The following SPOCK1 variants were observed in gnomAD, a reference collection of about 807,000 sequenced individuals.
The protein encoded by SPOCK1 is testican-1.
A neutral mutation model predicts 55.3 loss-of-function variants in SPOCK1; 23 were observed. The ratio of observed to expected loss-of-function variants is 0.42; its 90% CI spans 0.30 to 0.59. SPOCK1 has a LOEUF of 0.59. SPOCK1 is among the 20% of genes least tolerant of loss of function. The pLI is 0.22. For missense variants in SPOCK1, 499 were observed against 552.5 expected (o/e 0.90, Z 0.97); for synonymous variants, 226 against 221.0 (o/e 1.02, Z -0.20).
chr5:137,337,360 G>A (rs528251329), intron 2 of SPOCK1, among the ~76,000 whole-genome samples: 1 of 152,276 alleles, frequency 6.6e-6, no homozygotes, highest in South Asian at 2.1e-4. Context: ...CATTTCCAAT[G>A]ACCAAAACAC....
chr5:137,314,104 G>A (rs1757835234), intron 2 of SPOCK1, among the ~76,000 whole-genome samples: 1 of 151,292 alleles, frequency 6.6e-6, no homozygotes, highest in African/African-American at 2.4e-5. Flanking sequence ...TCCTGCCCAG[G>A]GGCTTTATCC....
At position 137,067,717 on chromosome 5, in the gene SPOCK1, C is replaced by G; in HGVS notation, c.587G>C (p.Ser196Thr). The change falls in exon 6 of 11, where the codon AGT (serine) becomes ACT (threonine). Residue 196 changes from serine (S) to threonine (T), a missense_variant and splice_region_variant. Ser to Thr is a moderately conservative substitution (Grantham distance 58). Coordinates refer to ENST00000394945, the MANE Select transcript of SPOCK1 (RefSeq NM_004598.4). Reference protein sequence around the residue: ...PEPPKHKAERSACTDKELRNL... With the variant: ...PEPPKHKAERTACTDKELRNL... ...CTCTGAAGGAAACCCTCACTCACCA[C>G]TCCTTTCTGCCTTGTGCTTTGGTGG... is the stretch of plus-strand genomic sequence containing the variant. The G allele has an allele frequency of 6.2e-7, 1 of 1,614,028 alleles. No homozygotes were observed. Among genetic ancestry groups the G allele is most frequent in the Admixed American group, 1.7e-5 (1 of 60,024 alleles).
At chr5:137,138,926 G>A (rs978669154) in intron 4 of SPOCK1, among the ~76,000 whole-genome samples, 1 of 152,190 alleles carries the variant, frequency 6.6e-6, no homozygotes, top group Non-Finnish European at 1.5e-5. Context: ...TTTGGAGGCA[G>A]ACAATCCTGG....
At chr5:137,318,117 A>T (rs1015331340) in intron 2 of SPOCK1, among the ~76,000 whole-genome samples, 1 of 152,224 alleles carries the variant, frequency 6.6e-6, no homozygotes, top group Non-Finnish European at 1.5e-5. Flanking sequence ...CGTTACAAGC[A>T]ATCTTCCTGT....
intron 2 of SPOCK1, among the ~76,000 whole-genome samples, chr5:137,427,801 C>T (rs541418681): frequency 8.1e-4 from 122 of 150,988 alleles, no homozygotes; most frequent in African/African-American, 2.7e-3. Context: ...CCCAGCTACT[C>T]GGTAGGCTGA....
intron 3 of SPOCK1, among the ~76,000 whole-genome samples, chr5:137,226,977 A>G (rs190656828): frequency 6.6e-6 from 1 of 152,356 alleles, no homozygotes; most frequent in East Asian, 1.9e-4. Flanking sequence ...ATGGATAGCT[A>G]GCTCTGACAA....
chr5:137,368,996 T>C (rs11747375), intron 2 of SPOCK1, among the ~76,000 whole-genome samples: 19,385 of 152,278 alleles, frequency 0.13, 1,563 homozygotes, highest in East Asian at 0.27. Context: ...AACAGACTCA[T>C]ACTTGCAGGC....
intron 2 of SPOCK1, among the ~76,000 whole-genome samples, chr5:137,325,514 C>T (rs1299980437): frequency 2.6e-5 from 4 of 152,220 alleles, no homozygotes; most frequent in African/African-American, 7.2e-5. Context: ...TAAAAACTAA[C>T]AGCCCAGCTC....
intron 3 of SPOCK1, among the ~76,000 whole-genome samples, chr5:137,160,210 G>A (rs1754498907): frequency 6.6e-6 from 1 of 150,670 alleles, no homozygotes; most frequent in African/African-American, 2.4e-5. Context: ...AACATACGAT[G>A]TTTGGTTTTC....
chr5:137,305,595 T>C (rs1427110280), intron 2 of SPOCK1, among the ~76,000 whole-genome samples: 1 of 152,080 alleles, frequency 6.6e-6, no homozygotes, highest in African/African-American at 2.4e-5. Context: ...ATGGCCATTC[T>C]TAACATTTAA....
At chr5:137,222,248 C>T (rs1755869920) in intron 3 of SPOCK1, among the ~76,000 whole-genome samples, 1 of 152,098 alleles carries the variant, frequency 6.6e-6, no homozygotes, top group Non-Finnish European at 1.5e-5. Context: ...TATTTGATTC[C>T]CGCCCCCACT....
At chr5:137,482,996 G>A (rs1298543215) in intron 2 of SPOCK1, among the ~76,000 whole-genome samples, 3 of 152,174 alleles carry the variant, frequency 2.0e-5, no homozygotes, top group African/African-American at 7.2e-5. Context: ...TATTATACCT[G>A]ATTGGATGTA....
chr5:137,134,113 T>G (rs1422115285), intron 4 of SPOCK1, among the ~76,000 whole-genome samples: 1 of 152,196 alleles, frequency 6.6e-6, no homozygotes, highest in Non-Finnish European at 1.5e-5. Flanking sequence ...GGTTCTAATC[T>G]TCCCCTTACT....
At chr5:137,194,472 G>A (rs570187830) in intron 3 of SPOCK1, among the ~76,000 whole-genome samples, 2 of 152,128 alleles carry the variant, frequency 1.3e-5, no homozygotes, top group African/African-American at 4.8e-5. Flanking sequence ...GCAGAGTGGC[G>A]GGTGGAAAGT....
intron 6 of SPOCK1, among the ~76,000 whole-genome samples, chr5:137,049,149 G>A (rs1487825289): frequency 7.0e-5 from 5 of 70,984 alleles, no homozygotes; most frequent in Admixed American, 1.7e-4. Context: ...GAGTATCTTT[G>A]TGGCGTTCTC....
At chr5:137,418,494 A>T (rs1408207590) in intron 2 of SPOCK1, among the ~76,000 whole-genome samples, 2 of 152,096 alleles carry the variant, frequency 1.3e-5, no homozygotes, top group African/African-American at 2.4e-5. Flanking sequence ...AATGATCGCC[A>T]TTCTAACTGG....
At chr5:137,425,703 C>A (rs2950955) in intron 2 of SPOCK1, among the ~76,000 whole-genome samples, 50,664 of 151,984 alleles carry the variant, frequency 0.33, 8,521 homozygotes, top group Middle Eastern at 0.45. Context: ...CCAGAGAGTA[C>A]AGCAAGCCAC....
chr5:137,080,593 G>A (rs1045324877), intron 5 of SPOCK1, among the ~76,000 whole-genome samples: 1 of 152,118 alleles, frequency 6.6e-6, no homozygotes, highest in Admixed American at 6.5e-5. Flanking sequence ...CACCAGGGGT[G>A]GAGATCTTGG....
At chr5:137,420,114 G>A (rs1489491256) in intron 2 of SPOCK1, among the ~76,000 whole-genome samples, 6 of 152,204 alleles carry the variant, frequency 3.9e-5, no homozygotes, top group African/African-American at 7.2e-5. Flanking sequence ...ATTTGCATAT[G>A]TTGAACCAGC....
Sources: allele counts gnomAD v4.1 joint callset (sites outside exome capture counted in the v4.1 genomes callset), GRCh38; gene constraint gnomAD v4.1.1; transcripts MANE v1.5; gene names NCBI Gene and HGNC (gene_info 2026-07-23, HGNC 2026-07-21).